DNAJC1: variants seen among roughly 807,000 people sequenced by gnomAD.
The protein encoded by DNAJC1 is dnaJ homolog subfamily C member 1.
A neutral mutation model predicts 76.6 loss-of-function variants in DNAJC1; 58 were observed. The ratio of observed to expected loss-of-function variants is 0.76; its 90% CI spans 0.61 to 0.94. DNAJC1 has a LOEUF of 0.94. DNAJC1 is among the 40% of genes least tolerant of loss of function. The pLI, the probability that DNAJC1 is intolerant of heterozygous loss-of-function variation, is 0.00. For missense variants in DNAJC1, 689 were observed against 677.3 expected (o/e 1.02, Z -0.19); for synonymous variants, 258 against 267.9 (o/e 0.96, Z 0.36).
rs1835998900 is a variant in DNAJC1 at position 21,866,180 on chromosome 10, C to CA, written c.978+16101dup. ...AGTACATAGACAAGAGGTACAAAAGCAAAAAAATAAAAAACCCAAACAGTA... is the reference window on the plus strand; with the variant it reads ...AGTACATAGACAAGAGGTACAAAAGCAAAAAAAATAAAAAACCCAAACAGTA... On this transcript the variant is annotated intron_variant, in intron 8 of 11. Coordinates refer to ENST00000376980, the MANE Select transcript of DNAJC1 (RefSeq NM_022365.4). Among the ~76,000 whole-genome samples, 2 of 134,226 alleles carry CA rather than the reference C, an allele frequency of 1.5e-5. 1 individual carries two copies. Among genetic ancestry groups the CA allele is most frequent in the South Asian group, 5.0e-4 (2 of 3,996 alleles). The allele number at this position is 134,226 out of a possible 152,430, so 88.1% of individuals were successfully genotyped here. A position where few individuals can be genotyped will look rare whatever the true frequency, so the allele number is the denominator to read the frequency against.
At chr10:21,884,979 T>C (rs1048192259) in intron 7 of DNAJC1, among the ~76,000 whole-genome samples, 3 of 152,054 alleles carry the variant, frequency 2.0e-5, no homozygotes, top group Admixed American at 6.6e-5. Context: ...TATAACCAGC[T>C]AACAATACAA....
intron 8 of DNAJC1, among the ~76,000 whole-genome samples, chr10:21,809,961 G>A (rs529135229): frequency 6.6e-6 from 1 of 151,736 alleles, no homozygotes; most frequent in East Asian, 1.9e-4. Context: ...TATGTGTGTG[G>A]CGGGGTGGGG....
chr10:21,882,402 A>G lies in DNAJC1; in HGVS notation c.858T>C (p.Pro286=). The G allele has an allele frequency of 6.5e-7, 1 of 1,527,170 alleles. No homozygotes were observed. 94.6% of individuals were successfully genotyped at this position (1,527,170 alleles called of 1,614,324 possible). The change falls in exon 8 of 12, where the codon CCT becomes CCC. Residue 286 remains proline (P), a synonymous_variant. Transcript: ENST00000376980. ...ATGTAGTTTCTAAAGGTGTGTATACAGGAAATTCAGGTTTTGGTTTTTTAA... is the reference window on the plus strand; with the variant it reads ...ATGTAGTTTCTAAAGGTGTGTATACGGGAAATTCAGGTTTTGGTTTTTTAA... The part of the protein sequence containing the change: ...KKVKKPKPEF[P]VYTPLETTYI...
At chr10:21,834,472 T>C (rs1237987787) in intron 8 of DNAJC1, among the ~76,000 whole-genome samples, 1 of 152,000 alleles carries the variant, frequency 6.6e-6, no homozygotes, top group Non-Finnish European at 1.5e-5. Context: ...AGACAGTAGG[T>C]GCAGGACAGT....
chr10:21,808,614 G>A (rs1011379002), intron 8 of DNAJC1, among the ~76,000 whole-genome samples: 10 of 152,062 alleles, frequency 6.6e-5, no homozygotes, highest in African/African-American at 1.5e-4. Context: ...GTAATTCCTC[G>A]GCAATAGTTA....
chr10:22,003,102 G>C lies in DNAJC1; in HGVS notation c.222+111C>G, dbSNP rs969935695. On this transcript the variant is annotated intron_variant, in intron 1 of 11. Transcript: ENST00000376980. ...GTGACCCGAGCTGAGGGCAGCCAGA[G>C]CCCGGGGTGACCAAGCCCTGCCCTA... is the stretch of plus-strand genomic sequence containing the variant. 7.5e-6 allele frequency: 10 copies of C among 1,340,686 alleles called. No individual in the cohort carries two copies. The Admixed American group carries it at 1.6e-4, about 21-fold the overall frequency. The allele number at this position is 1,340,686 out of a possible 1,614,324, so 83.0% of individuals were successfully genotyped here. A position where few individuals can be genotyped will look rare whatever the true frequency, so the allele number is the denominator to read the frequency against.
chr10:21,957,303 C>T (rs1434304272), intron 1 of DNAJC1, among the ~76,000 whole-genome samples: 3 of 152,092 alleles, frequency 2.0e-5, no homozygotes, highest in Non-Finnish European at 4.4e-5. Context: ...AAGAATAAAG[C>T]CTCCTCTATT....
intron 8 of DNAJC1, among the ~76,000 whole-genome samples, chr10:21,813,391 CTTT>C (rs35150177): frequency 7.5e-5 from 10 of 132,856 alleles, no homozygotes; most frequent in Admixed American, 7.4e-5. Flanking sequence ...GGCAAACAGT[CTTT>C]TTTTTTTTTT....
intron 6 of DNAJC1, 86 bp downstream of exon 6, chr10:21,918,693 A>C: frequency 2.1e-6 from 2 of 964,418 alleles, no homozygotes; most frequent in Non-Finnish European, 3.3e-6. Flanking sequence ...GCATATCAGC[A>C]TTCAGAGAGC....
chr10:21,929,208 T>C, intron 1 of DNAJC1, 67 bp from the exon 2 acceptor site: 1 of 1,156,070 alleles, frequency 8.6e-7, no homozygotes, highest in Non-Finnish European at 1.3e-6. Context: ...TCCCAGAACC[T>C]TGTTAAGATC....
intron 1 of DNAJC1, among the ~76,000 whole-genome samples, chr10:21,998,284 G>A (rs1410783000): frequency 1.3e-5 from 2 of 151,464 alleles, no homozygotes; most frequent in Non-Finnish European, 2.9e-5. Flanking sequence ...CAGCTACTCG[G>A]GAGGCTGAGG....
At chr10:21,808,010 G>A (rs147856823) in intron 8 of DNAJC1, among the ~76,000 whole-genome samples, 1,688 of 152,082 alleles carry the variant, frequency 0.011, 16 homozygotes, top group Middle Eastern at 0.048. Context: ...TAGACCAATC[G>A]GTTTCAGAAA....
intron 1 of DNAJC1, among the ~76,000 whole-genome samples, chr10:21,962,872 G>A (rs1261866589): frequency 6.6e-6 from 1 of 151,900 alleles, no homozygotes; most frequent in South Asian, 2.1e-4. Flanking sequence ...GGGAAAACCA[G>A]GTTTCTAATT....
chr10:21,774,193 C>T (rs1314889523), intron 9 of DNAJC1, among the ~76,000 whole-genome samples: 1 of 150,864 alleles, frequency 6.6e-6, no homozygotes, highest in Non-Finnish European at 1.5e-5. Flanking sequence ...TTGCATTTTA[C>T]CTAAATAATA....
At chr10:21,822,255 A>T (rs996623624) in intron 8 of DNAJC1, among the ~76,000 whole-genome samples, 2 of 152,176 alleles carry the variant, frequency 1.3e-5, no homozygotes, top group African/African-American at 4.8e-5. Context: ...CCTGGCCAAC[A>T]TGGTGAAACC....
intron 8 of DNAJC1, among the ~76,000 whole-genome samples, chr10:21,825,548 G>A (rs1835233895): frequency 6.6e-6 from 1 of 152,150 alleles, no homozygotes; most frequent in Admixed American, 6.5e-5. Flanking sequence ...GTACACCTAT[G>A]AGCGGAATTG....
intron 1 of DNAJC1, among the ~76,000 whole-genome samples, chr10:21,953,797 T>C (rs2131810109): frequency 8.6e-6 from 1 of 115,768 alleles, no homozygotes; most frequent in South Asian, 2.5e-4. Context: ...TGCCATCAAG[T>C]GGTAAAAAAC....
At position 21,766,239 on chromosome 10, in the gene DNAJC1, G is replaced by C. The variant is rs965181212; in HGVS notation, c.1147+22C>G. On this transcript the variant is annotated intron_variant, in intron 10 of 11. Transcript: ENST00000376980. ...AGAAGAAACCACTTTAGATTAATGA[G>C]ATAGAGGAAGTATGAACTCACCTGG... 3 of 1,568,622 alleles carry C rather than the reference G, an allele frequency of 1.9e-6. No homozygotes were observed. In the African/African-American group the frequency reaches 4.1e-5, roughly 21 times the overall value.
chr10:21,874,698 A>G (rs370424138), intron 8 of DNAJC1, among the ~76,000 whole-genome samples: 3 of 152,316 alleles, frequency 2.0e-5, no homozygotes, highest in African/African-American at 7.2e-5. Context: ...AAAATGTTCT[A>G]GCATCAGAGA....
Sources: allele counts gnomAD v4.1 joint callset (sites outside exome capture counted in the v4.1 genomes callset), GRCh38; gene constraint gnomAD v4.1.1; transcripts MANE v1.5; gene names NCBI Gene and HGNC (gene_info 2026-07-23, HGNC 2026-07-21).